The following DNAJC13 variants were observed in gnomAD, a reference collection of about 807,000 sequenced individuals.
The protein encoded by DNAJC13 is DnaJ heat shock protein family (Hsp40) member C13, also known as dnaJ homolog subfamily C member 13.
In DNAJC13, 75 loss-of-function variants were observed where a neutral mutation model predicts 290.5. The ratio of observed to expected loss-of-function variants is 0.26; its 90% confidence interval spans 0.21 to 0.31. The LOEUF (loss-of-function observed/expected upper bound fraction) is 0.31. Ranked by LOEUF, DNAJC13 falls within the 10% of genes least tolerant of loss-of-function variation. The probability of loss-of-function intolerance (pLI) is 1.00; values close to 1 mark genes in which losing one functional copy is unlikely to be tolerated. For missense variants in DNAJC13, 2,260 were observed against 2,674.5 expected, an observed-to-expected ratio of 0.85 and a Z score of 3.42; for synonymous variants, 862 against 892.0, an observed-to-expected ratio of 0.97 and a Z score of 0.60.
At position 132,511,151 on chromosome 3, in the gene DNAJC13, G is replaced by A. The variant is rs538703638; in HGVS notation, c.5200G>A (p.Ala1734Thr). Residue 1734 changes from alanine to threonine, a missense_variant, in exon 44 of 56, where the codon GCG becomes ACG. Ala to Thr is a moderately conservative substitution (Grantham distance 58). Around this residue, in one of 3 missense-constraint regions of DNAJC13, gnomAD observed 1,494 missense variants for 1,693.7 expected, o/e 0.88. Coordinates refer to ENST00000260818, the MANE Select transcript of DNAJC13 (RefSeq NM_015268.4). Reference protein sequence around the residue: ...YLHTFMAITHAAKVESEQHGD... With the variant: ...YLHTFMAITHTAKVESEQHGD... The stretch of plus-strand genomic sequence containing the variant: ...GCACACATTCATGGCCATCACACAC[G>A]CGGCAAAAGTGGAGTCAGAGCAACA... 3.4e-5 allele frequency: 55 copies of A among 1,613,824 alleles called. No individual in the cohort carries two copies. In the African/African-American group the frequency reaches 4.1e-4, roughly 12 times the overall value.
intron 53 of DNAJC13, 56 bp from the exon 54 acceptor site, chr3:132,528,133 C>T: frequency 1.3e-6 from 2 of 1,596,902 alleles, no homozygotes; most frequent in Non-Finnish European, 8.6e-7. Context: ...ATTATTTCTT[C>T]AGTGGATGAT....
intron 48 of DNAJC13, among the ~76,000 whole-genome samples, chr3:132,520,219 T>C (rs1936048890): frequency 6.6e-6 from 1 of 152,220 alleles, no homozygotes. Context: ...TCTTCTGTTG[T>C]GACAGGAAAA....
At chr3:132,436,761 C>T (rs779025076) in intron 2 of DNAJC13, among the ~76,000 whole-genome samples, 4 of 152,058 alleles carry the variant, frequency 2.6e-5, no homozygotes, top group Non-Finnish European at 5.9e-5. Flanking sequence ...TTTCATTTCC[C>T]TAGTGATTCA....
rs990420336 is a variant in DNAJC13, at chr3:132,523,826, C to A, written c.6060+113C>A. On this transcript the variant is annotated intron_variant, in intron 51 of 55. Transcript: ENST00000260818. ...TGAATTAGGAATTGGCCAGCTCTTT[C>A]AATATAGCAGCCACATTTAAATTCA... is the stretch of plus-strand genomic sequence containing the variant. 1.2e-5 allele frequency: 13 copies of A among 1,040,128 alleles called. No individual in the cohort carries two copies. The African/African-American group carries it at 1.9e-4, about 16-fold the overall frequency. The allele number at this position is 1,040,128 out of a possible 1,614,324, so 64.4% of individuals were successfully genotyped here.
intron 54 of DNAJC13, among the ~76,000 whole-genome samples, chr3:132,529,673 T>G (rs1576524918): frequency 6.6e-6 from 1 of 151,224 alleles, no homozygotes; most frequent in Non-Finnish European, 1.5e-5. Context: ...TGTAGTCCCA[T>G]CTACTCGGGA....
intron 43 of DNAJC13, among the ~76,000 whole-genome samples, chr3:132,507,960 A>G (rs1250642527): frequency 6.6e-6 from 1 of 152,248 alleles, no homozygotes; most frequent in Non-Finnish European, 1.5e-5. Context: ...TGTGCCACAC[A>G]GCCAAGTTGT....
intron 41 of DNAJC13, 59 bp downstream of exon 41, chr3:132,503,440 A>G (rs1252990820): frequency 1.9e-6 from 3 of 1,577,168 alleles, no homozygotes; most frequent in Admixed American, 3.5e-5. Context: ...TTTAAGCAGT[A>G]AAGTAGTACA....
Position 132,516,418 on chromosome 3 carries a change from G to T in DNAJC13, c.5486-4G>T. ...CATTCCTTGAAATGTCTTTTACTCT[G>T]CAGGTCGTCAGCTTGTTCTGGAAAC... On this transcript the variant is annotated splice_polypyrimidine_tract_variant and splice_region_variant and intron_variant, in intron 46 of 55. Transcript: ENST00000260818. The T allele has an allele frequency of 2.5e-6, 4 of 1,613,520 alleles. No individual in the cohort carries two copies. Among genetic ancestry groups the T allele is most frequent in the Non-Finnish European group, 3.4e-6 (4 of 1,179,658 alleles).
intron 35 of DNAJC13, 116 bp from the exon 36 acceptor site, chr3:132,496,412 A>C: frequency 9.9e-7 from 1 of 1,012,988 alleles, no homozygotes; most frequent in Non-Finnish European, 1.4e-6. Flanking sequence ...GAATACCTTA[A>C]TATAAACAAT....
intron 51 of DNAJC13, 190 bp downstream of exon 51, chr3:132,523,903 T>C: frequency 1.8e-6 from 1 of 559,424 alleles, no homozygotes. Flanking sequence ...AGCTCTTTAG[T>C]ATGTTTATGA....
At chr3:132,472,074 G>A (rs1279018044) in intron 20 of DNAJC13, among the ~76,000 whole-genome samples, 2 of 150,654 alleles carry the variant, frequency 1.3e-5, no homozygotes, top group Non-Finnish European at 3.0e-5. Context: ...GCGAAACCCC[G>A]TCTCCACCAA....
chr3:132,462,532 A>G lies in DNAJC13; in HGVS notation c.1770+9A>G. On this transcript the variant is annotated intron_variant, in intron 16 of 55. Transcript: ENST00000260818. The stretch of plus-strand genomic sequence containing the variant: ...TGAAGGCAATAATAGAGGTGAGAGA[A>G]CAATTTTGAAATTTTAACCTTACTT... The G allele has an allele frequency of 6.3e-7, 1 of 1,596,984 alleles. No individual in the cohort carries two copies. Among genetic ancestry groups the G allele is most frequent in the Non-Finnish European group, 8.5e-7 (1 of 1,172,026 alleles).
intron 13 of DNAJC13, 119 bp downstream of exon 13, chr3:132,457,487 C>A: frequency 1.3e-6 from 1 of 762,002 alleles, no homozygotes; most frequent in South Asian, 1.9e-5. Context: ...ATAAATTGTT[C>A]TCATAGTTAC....
At chr3:132,524,524 T>C (rs998391101) in intron 51 of DNAJC13, among the ~76,000 whole-genome samples, 4 of 152,344 alleles carry the variant, frequency 2.6e-5, no homozygotes, top group South Asian at 2.1e-4. Flanking sequence ...TTAATACATA[T>C]ATAGAATGCT....
Position 132,417,653 on chromosome 3 carries a change from A to T in DNAJC13, c.-121A>T, listed in dbSNP as rs901002167. ...GAGCTGCAGGGCCCCGGCGGGGGAAAGGGGAAGTGGTGAGGGTGAGGAGGC... is the reference window on the plus strand; with the variant it reads ...GAGCTGCAGGGCCCCGGCGGGGGAATGGGGAAGTGGTGAGGGTGAGGAGGC... On this transcript the variant is annotated 5_prime_UTR_variant, in exon 1 of 56. The change creates a new upstream start codon in the 5' untranslated region. Coordinates refer to ENST00000260818, the MANE Select transcript of DNAJC13 (RefSeq NM_015268.4). The T allele has an allele frequency of 1.3e-5, 2 of 152,360 alleles. No homozygotes were observed. The highest frequency in any genetic ancestry group is 1.3e-4 in the Admixed American group (2 of 15,282). 9.4% of individuals were successfully genotyped at this position (152,360 alleles called of 1,614,324 possible).
chr3:132,448,146 TGGG>T (rs934101272), intron 5 of DNAJC13, among the ~76,000 whole-genome samples: 3 of 152,034 alleles, frequency 2.0e-5, no homozygotes, highest in African/African-American at 7.2e-5. Context: ...TACTGGTAGA[TGGG>T]GGGAAAAAAA....
rs1309991774 is a variant in DNAJC13, at chr3:132,417,584, GC to G, written c.-189del. The G allele has an allele frequency of 6.6e-6, 1 of 152,622 alleles. No individual in the cohort carries two copies. Among genetic ancestry groups the G allele is most frequent in the African/African-American group, 2.4e-5 (1 of 41,456 alleles). The allele number at this position is 152,622 out of a possible 1,614,324, so 9.5% of individuals were successfully genotyped here. On this transcript the variant is annotated 5_prime_UTR_variant, in exon 1 of 56. Coordinates refer to ENST00000260818, the MANE Select transcript of DNAJC13 (RefSeq NM_015268.4). ...GAGGCAGAGGGAGGAGGCGGAGGGG[GC>G]GGGGAGGCAGCGCCGCGGCGGCACC...
chr3:132,483,662 G>T (rs1461088977), intron 28 of DNAJC13, 85 bp downstream of exon 28: 1 of 1,365,286 alleles, frequency 7.3e-7, no homozygotes, highest in Non-Finnish European at 1.0e-6. Flanking sequence ...TTAAAACAAA[G>T]ATGTCCTATT....
In DNAJC13 at chr3:132,499,295, A is replaced by G; in HGVS notation, c.4326A>G (p.Arg1442=). ...CSALNAEELR[R]ENGLEVLQEA... Reference sequence around the variant, plus strand: ...CCCTCAATGCTGAAGAGCTCAGAAGAGAGAATGGACTAGAGGTAATACGGA... The same window carrying G: ...CCCTCAATGCTGAAGAGCTCAGAAGGGAGAATGGACTAGAGGTAATACGGA... The change falls in exon 37 of 56, where the codon AGA becomes AGG. Residue 1442 remains arginine (R), a synonymous_variant. Transcript: ENST00000260818. 1 of 1,607,802 alleles carries G rather than the reference A, an allele frequency of 6.2e-7. No individual in the cohort carries two copies. The highest frequency in any genetic ancestry group is 2.2e-5 in the East Asian group (1 of 44,710).
Sources: gnomAD v4.1 joint callset for allele counts (sites outside exome capture counted in the v4.1 genomes callset) on GRCh38, gnomAD v4.1.1 for gene constraint, gnomAD v4.1.1 regional missense constraint, MANE v1.5 for transcripts, NCBI Gene and HGNC (gene_info 2026-07-23, HGNC 2026-07-21) for gene names.